Variants in TAFA5 observed in about 807,000 individuals in gnomAD.
The protein encoded by TAFA5 is TAFA chemokine like family member 5.
Under a neutral mutation model 15.3 loss-of-function variants are expected in TAFA5, and 6 were observed. That is an observed-to-expected ratio of 0.39 (90% confidence interval 0.21 to 0.77). The LOEUF (loss-of-function observed/expected upper bound fraction) is 0.77. TAFA5 is among the 30% of genes least tolerant of loss of function. The pLI, the probability that TAFA5 is intolerant of heterozygous loss-of-function variation, is 0.41. For synonymous variants in TAFA5, 103 were observed against 80.7 expected, an observed-to-expected ratio of 1.28 and a Z score of -1.48; for missense variants, 161 against 193.1, an observed-to-expected ratio of 0.83 and a Z score of 0.98.
chr22:48,632,828 G>T (rs1466023883), intron 1 of TAFA5, among the ~76,000 whole-genome samples: 1 of 152,200 alleles, frequency 6.6e-6, no homozygotes, highest in South Asian at 2.1e-4. Flanking sequence ...AGTCTCTGCA[G>T]CCCCAGGCGG....
At chr22:48,608,179 C>T (rs948695899) in intron 1 of TAFA5, among the ~76,000 whole-genome samples, 21 of 151,706 alleles carry the variant, frequency 1.4e-4, no homozygotes, top group South Asian at 6.2e-4. Flanking sequence ...CCACCACCGA[C>T]GCTGATTTTG....
At chr22:48,706,800 T>C (rs1929091650) in intron 2 of TAFA5, among the ~76,000 whole-genome samples, 1 of 152,224 alleles carries the variant, frequency 6.6e-6, no homozygotes. Flanking sequence ...GAGAAATGAC[T>C]AATCGTTCTT....
chr22:48,567,430 C>T (rs1214938127), intron 1 of TAFA5, among the ~76,000 whole-genome samples: 1 of 152,200 alleles, frequency 6.6e-6, no homozygotes, highest in Non-Finnish European at 1.5e-5. Flanking sequence ...CTATTAAGCC[C>T]AGCGAAAGTG....
At chr22:48,557,425 G>A (rs1225450789) in intron 1 of TAFA5, among the ~76,000 whole-genome samples, 1 of 152,166 alleles carries the variant, frequency 6.6e-6, no homozygotes, top group East Asian at 1.9e-4. Flanking sequence ...CGGCCTCCAG[G>A]GCTGCGAGGA....
intron 3 of TAFA5, among the ~76,000 whole-genome samples, chr22:48,708,713 C>T (rs546523899): frequency 2.0e-5 from 3 of 152,216 alleles, no homozygotes; most frequent in Non-Finnish European, 2.9e-5. Context: ...AACACGGATC[C>T]GGGCTCCACG....
At chr22:48,546,334 G>A (rs911732519) in intron 1 of TAFA5, among the ~76,000 whole-genome samples, 2 of 152,202 alleles carry the variant, frequency 1.3e-5, no homozygotes, top group African/African-American at 4.8e-5. Flanking sequence ...CCAGGGCAAG[G>A]TGGCCTGAGT....
intron 1 of TAFA5, among the ~76,000 whole-genome samples, chr22:48,586,736 G>A (rs933382419): frequency 1.3e-5 from 2 of 152,232 alleles, no homozygotes; most frequent in Non-Finnish European, 2.9e-5. Context: ...CGGAGTCTTT[G>A]AAGTGCAGTC....
chr22:48,658,127 C>T (rs924078602), intron 2 of TAFA5, among the ~76,000 whole-genome samples: 13 of 151,784 alleles, frequency 8.6e-5, no homozygotes, highest in African/African-American at 2.9e-4. Context: ...CAGGGACATT[C>T]GTGACGTTTC....
intron 2 of TAFA5, among the ~76,000 whole-genome samples, chr22:48,671,745 C>G (rs1235435191): frequency 6.6e-6 from 1 of 152,206 alleles, no homozygotes; most frequent in African/African-American, 2.4e-5. Context: ...TCTCTGAAAA[C>G]AGCTCCCTTC....
chr22:48,675,934 A>G (rs1254857928), intron 2 of TAFA5, among the ~76,000 whole-genome samples: 3 of 152,256 alleles, frequency 2.0e-5, no homozygotes, highest in Non-Finnish European at 4.4e-5. Flanking sequence ...CAGGTGCCTC[A>G]TTTGCCCTCA....
At chr22:48,607,644 T>C (rs137998874) in intron 1 of TAFA5, among the ~76,000 whole-genome samples, 3,198 of 98,552 alleles carry the variant, frequency 0.032, 2 homozygotes, top group African/African-American at 0.044. Flanking sequence ...GGTACCTCAG[T>C]CTGGAGCAGG....
chr22:48,575,398 G>C (rs933087115), intron 1 of TAFA5, among the ~76,000 whole-genome samples: 2 of 147,782 alleles, frequency 1.4e-5, no homozygotes, highest in African/African-American at 2.4e-5. Flanking sequence ...AGACGGCGGC[G>C]GGCGCGGGCC....
At chr22:48,630,435 G>T (rs991332505) in intron 1 of TAFA5, among the ~76,000 whole-genome samples, 1 of 152,200 alleles carries the variant, frequency 6.6e-6, no homozygotes, top group South Asian at 2.1e-4. Flanking sequence ...TGGCTTTGGG[G>T]CGTGCGTGGC....
At chr22:48,563,733 C>G (rs1026558914) in intron 1 of TAFA5, among the ~76,000 whole-genome samples, 5 of 152,316 alleles carry the variant, frequency 3.3e-5, no homozygotes, top group Non-Finnish European at 5.9e-5. Context: ...AGCAGGGTAT[C>G]GGGAGCTCGG....
rs116192764 is a variant in TAFA5, at chr22:48,718,356, G to A, written c.390+10512G>A. Among the ~76,000 whole-genome samples, 1,488 of 152,250 alleles carry A rather than the reference G, an allele frequency of 9.8e-3. 27 individuals carry two copies. The highest frequency in any genetic ancestry group is 0.032 in the African/African-American group (1,336 of 41,538). ...AACACTGAGCCTCTGTGGGGGCAGC[G>A]GGGAGGCCCCCAAGCAGGAAGGTGG... On this transcript the variant is annotated intron_variant, in intron 3 of 3. Transcript: ENST00000402357.
At position 48,555,771 on chromosome 22, in the gene TAFA5, G is replaced by A. The variant is rs78314668; in HGVS notation, c.112+66067G>A. ...GGAAGCTGGTCCAGGAGACCTACCC[G>A]AGGGCATCGGGCAAGATACGGGGGT... On this transcript the variant is annotated intron_variant, in intron 1 of 3. Coordinates refer to ENST00000402357, the MANE Select transcript of TAFA5 (RefSeq NM_001082967.3). Among the ~76,000 whole-genome samples, 1,241 of 152,294 alleles carry A rather than the reference G, an allele frequency of 8.1e-3. 17 individuals are homozygous for A. Among genetic ancestry groups the A allele is most frequent in the African/African-American group, 0.029 (1,187 of 41,566 alleles).
At chr22:48,578,960 C>T (rs1476469525) in intron 1 of TAFA5, among the ~76,000 whole-genome samples, 2 of 152,314 alleles carry the variant, frequency 1.3e-5, no homozygotes, top group South Asian at 2.1e-4. Flanking sequence ...ACAAGGCAGG[C>T]GGGTGGACAA....
At chr22:48,733,329 G>T (rs130213) in intron 3 of TAFA5, among the ~76,000 whole-genome samples, 8 of 152,060 alleles carry the variant, frequency 5.3e-5, no homozygotes, top group South Asian at 4.1e-4. Context: ...AGGGCCCAGC[G>T]TCCATCTGAA....
At chr22:48,536,512 C>T (rs189060059) in intron 1 of TAFA5, among the ~76,000 whole-genome samples, 8 of 152,216 alleles carry the variant, frequency 5.3e-5, no homozygotes, top group Non-Finnish European at 8.8e-5. Flanking sequence ...CCGTGGCTGA[C>T]GAGTTGTCAG....
Sources: allele counts gnomAD v4.1 joint callset (sites outside exome capture counted in the v4.1 genomes callset), GRCh38; gene constraint gnomAD v4.1.1; transcripts MANE v1.5; gene names NCBI Gene and HGNC (gene_info 2026-07-23, HGNC 2026-07-21).